CCDC117: variants seen among roughly 807,000 people sequenced by gnomAD.
The protein encoded by CCDC117 is coiled-coil domain containing 117.
CCDC117 carries 1 observed loss-of-function variant against 23.5 expected under a neutral mutation model. The ratio of observed to expected loss-of-function variants is 0.04; its 90% CI spans 0.02 to 0.20. The LOEUF (loss-of-function observed/expected upper bound fraction) is 0.20. Among genes scored for constraint, CCDC117 ranks in the 10% least tolerant of loss-of-function variants. The pLI is 1.00. For synonymous variants in CCDC117, 132 were observed against 124.8 expected (o/e 1.06, Z -0.39); for missense variants, 383 against 348.2 (o/e 1.10, Z -0.80).
chr22:28,784,820 G>A (rs2031460701), intron 4 of CCDC117, among the ~76,000 whole-genome samples: 1 of 152,110 alleles, frequency 6.6e-6, no homozygotes, highest in African/African-American at 2.4e-5. Flanking sequence ...GCCCAGGCTG[G>A]AGTGCAGTGG....
At position 28,773,770 on chromosome 22, in the gene CCDC117, GGAT is replaced by G. The variant is rs776773239; in HGVS notation, c.237_239del (p.Asp80del). ...AGAAACACAAGCGAGAGGAGGAGGA[GGAT>G]GATGAGTAAGTTTCAGTGGTTGTTT... On this transcript the variant is annotated inframe_deletion, in exon 2 of 5. Coordinates refer to ENST00000249064, the MANE Select transcript of CCDC117 (RefSeq NM_173510.4). The G allele has an allele frequency of 1.2e-5, 19 of 1,611,410 alleles. No homozygotes were observed. The highest frequency in any genetic ancestry group is 2.2e-5 in the East Asian group (1 of 44,888).
intron 2 of CCDC117, among the ~76,000 whole-genome samples, chr22:28,774,787 C>A (rs1201084381): frequency 6.6e-6 from 1 of 151,674 alleles, no homozygotes; most frequent in Admixed American, 6.6e-5. Flanking sequence ...TTTTCTTTTT[C>A]TTTCTTTTTT....
chr22:28,785,954 C>G (rs1601430147), intron 4 of CCDC117, 135 bp from the exon 5 acceptor site: 2 of 605,006 alleles, frequency 3.3e-6, no homozygotes, highest in Non-Finnish European at 5.8e-6. Context: ...AAGTAAAGAT[C>G]AGTTTGTGTG....
intron 2 of CCDC117, among the ~76,000 whole-genome samples, chr22:28,776,771 A>G (rs2031173128): frequency 6.6e-6 from 1 of 151,692 alleles, no homozygotes; most frequent in African/African-American, 2.4e-5. Context: ...TTTAGTAGAG[A>G]TGGGGTTTCT....
Position 28,786,651 on chromosome 22 carries a change from C to T in CCDC117, c.*325C>T, listed in dbSNP as rs2031519995. ...TGTCACATTGTCTAAACTATTCAGA[C>T]ACTTGGAGAATATTCTCCTTGAATT... On this transcript the variant is annotated 3_prime_UTR_variant, in exon 5 of 5. Transcript: ENST00000249064. 2 of 221,954 alleles carry T rather than the reference C, an allele frequency of 9.0e-6. No individual in the cohort carries two copies. The highest frequency in any genetic ancestry group is 1.8e-5 in the Non-Finnish European group (2 of 110,692). The allele number at this position is 221,954 out of a possible 1,614,324, so 13.7% of individuals were successfully genotyped here. A position where few individuals can be genotyped will look rare whatever the true frequency, so the allele number is the denominator to read the frequency against.
chr22:28,775,725 C>A (rs1243183482), intron 2 of CCDC117, among the ~76,000 whole-genome samples: 7 of 151,872 alleles, frequency 4.6e-5, no homozygotes, highest in Admixed American at 1.3e-4. Flanking sequence ...GATGAAACCC[C>A]GTCTCTGCTA....
chr22:28,777,324 C>T (rs965322347), intron 2 of CCDC117, among the ~76,000 whole-genome samples: 3 of 151,850 alleles, frequency 2.0e-5, no homozygotes, highest in Admixed American at 6.6e-5. Context: ...TGAGCCACTG[C>T]GCCTGGCCTA....
chr22:28,785,700 C>T (rs913005422), intron 4 of CCDC117, among the ~76,000 whole-genome samples: 1 of 151,984 alleles, frequency 6.6e-6, no homozygotes, highest in Admixed American at 6.6e-5. Context: ...TCATTACAAC[C>T]ACTTGATTTG....
intron 2 of CCDC117, among the ~76,000 whole-genome samples, chr22:28,775,888 C>G (rs1240388218): frequency 3.3e-5 from 5 of 152,008 alleles, no homozygotes; most frequent in Non-Finnish European, 2.9e-5. Context: ...CAAAGTGAGA[C>G]TGTCCCAAAA....
At chr22:28,784,239 A>G (rs553540542) in intron 4 of CCDC117, among the ~76,000 whole-genome samples, 1 of 151,892 alleles carries the variant, frequency 6.6e-6, no homozygotes, top group Non-Finnish European at 1.5e-5. Flanking sequence ...AACTCCTAAC[A>G]GGGAGCTGTG....
chr22:28,786,540 T>A lies in CCDC117; in HGVS notation c.*214T>A, dbSNP rs2031517189. The stretch of plus-strand genomic sequence containing the variant: ...TTGTCTCAAGGGAAAAGCAGTTTTC[T>A]GTGGGGCTTATTAAAGGAATGTTGG... On this transcript the variant is annotated 3_prime_UTR_variant, in exon 5 of 5. Transcript: ENST00000249064. 1.9e-6 allele frequency: 1 copy of A among 518,522 alleles called. No homozygotes were observed. Among genetic ancestry groups the A allele is most frequent in the Non-Finnish European group, 3.4e-6 (1 of 292,760 alleles). The allele number at this position is 518,522 out of a possible 1,614,324, so 32.1% of individuals were successfully genotyped here.
At position 28,789,262 on chromosome 22, in the gene CCDC117, A is replaced by G. The variant is rs1239896300; in HGVS notation, c.*2936A>G. On this transcript the variant is annotated 3_prime_UTR_variant, in exon 5 of 5. Coordinates refer to ENST00000249064, the MANE Select transcript of CCDC117 (RefSeq NM_173510.4). Reference sequence around the variant, plus strand: ...TGAGAATCTGGTGTTACTGTATTTTATCGTTTTCAATAAAACTTCTTAAGT... The same window carrying G: ...TGAGAATCTGGTGTTACTGTATTTTGTCGTTTTCAATAAAACTTCTTAAGT... 6.6e-6 allele frequency: 1 copy of G among 152,212 alleles called. No homozygotes were observed. Among genetic ancestry groups the G allele is most frequent in the Admixed American group, 6.5e-5 (1 of 15,280 alleles). 9.4% of individuals were successfully genotyped at this position (152,212 alleles called of 1,614,324 possible).
At chr22:28,780,707 T>TA (rs2031291003) in intron 2 of CCDC117, among the ~76,000 whole-genome samples, 1 of 152,174 alleles carries the variant, frequency 6.6e-6, no homozygotes, top group South Asian at 2.1e-4. Flanking sequence ...ATTGAACACT[T>TA]ACTGTCTGAA....
At chr22:28,773,627 T>A in intron 1 of CCDC117, 98 bp from the exon 2 acceptor site, 1 of 938,834 alleles carries the variant, frequency 1.1e-6, no homozygotes, top group African/African-American at 1.6e-5. Flanking sequence ...ACGTTTGGTA[T>A]GTGGGGATGA....
chr22:28,787,342 T>C lies in CCDC117; in HGVS notation c.*1016T>C, dbSNP rs1292343446. The C allele has an allele frequency of 1.3e-5, 2 of 152,216 alleles. No individual in the cohort carries two copies. Among genetic ancestry groups the C allele is most frequent in the African/African-American group, 4.8e-5 (2 of 41,438 alleles). The allele number at this position is 152,216 out of a possible 1,614,324, so 9.4% of individuals were successfully genotyped here. A position where few individuals can be genotyped will look rare whatever the true frequency, so the allele number is the denominator to read the frequency against. On this transcript the variant is annotated 3_prime_UTR_variant, in exon 5 of 5. Coordinates refer to ENST00000249064, the MANE Select transcript of CCDC117 (RefSeq NM_173510.4). ...TTTAATAGAGACCGGTTTTGCCATGTTGGCCAGGCTGGTCTCGAACTCCTG... is the reference window on the plus strand; with the variant it reads ...TTTAATAGAGACCGGTTTTGCCATGCTGGCCAGGCTGGTCTCGAACTCCTG...
Position 28,786,902 on chromosome 22 carries a change from A to G in CCDC117, c.*576A>G, listed in dbSNP as rs2031529703. 6.6e-6 allele frequency: 1 copy of G among 152,658 alleles called. No individual in the cohort carries two copies. The highest frequency in any genetic ancestry group is 1.5e-5 in the Non-Finnish European group (1 of 68,072). The allele number at this position is 152,658 out of a possible 1,614,324, so 9.5% of individuals were successfully genotyped here. A position where few individuals can be genotyped will look rare whatever the true frequency, so the allele number is the denominator to read the frequency against. On this transcript the variant is annotated 3_prime_UTR_variant, in exon 5 of 5. Transcript: ENST00000249064. ...CTCTGTTGATTAAATAGCCGATAGTATTGTGGCTCTCCTCTTTGACTATGA... is the reference window on the plus strand; with the variant it reads ...CTCTGTTGATTAAATAGCCGATAGTGTTGTGGCTCTCCTCTTTGACTATGA...
chr22:28,782,785 T>G (rs935088252), intron 3 of CCDC117, among the ~76,000 whole-genome samples: 1 of 152,172 alleles, frequency 6.6e-6, no homozygotes, highest in Admixed American at 6.5e-5. Flanking sequence ...TTGGCCAGGC[T>G]GGTCTGGAGC....
intron 4 of CCDC117, among the ~76,000 whole-genome samples, chr22:28,785,880 A>G (rs5752798): frequency 0.4 from 59,231 of 149,932 alleles, 12,955 homozygotes; most frequent in East Asian, 0.67. Context: ...CTATGACTGT[A>G]CCACTGTACT....
At position 28,786,354 on chromosome 22, in the gene CCDC117, A is replaced by T. The variant is rs774229679; in HGVS notation, c.*28A>T. On this transcript the variant is annotated 3_prime_UTR_variant, in exon 5 of 5. Coordinates refer to ENST00000249064, the MANE Select transcript of CCDC117 (RefSeq NM_173510.4). Reference sequence around the variant, plus strand: ...ACCAATTTCTACACTAAAGTTGTCAAATGTTAGAAGAATCCTGTGTTCAGT... The same window carrying T: ...ACCAATTTCTACACTAAAGTTGTCATATGTTAGAAGAATCCTGTGTTCAGT... The T allele has an allele frequency of 1.3e-6, 2 of 1,512,518 alleles. No homozygotes were observed. Among genetic ancestry groups the T allele is most frequent in the Non-Finnish European group, 1.8e-6 (2 of 1,090,820 alleles). The allele number at this position is 1,512,518 out of a possible 1,614,324, so 93.7% of individuals were successfully genotyped here.
Sources: gnomAD v4.1 joint callset for allele counts (sites outside exome capture counted in the v4.1 genomes callset) on GRCh38, gnomAD v4.1.1 for gene constraint, MANE v1.5 for transcripts, NCBI Gene and HGNC (gene_info 2026-07-23, HGNC 2026-07-21) for gene names.